Variants in ZBTB49 observed in about 807,000 individuals in gnomAD.
ZBTB49 encodes the protein zinc finger and BTB domain-containing protein 49.
In ZBTB49, 43 loss-of-function variants were observed where a neutral mutation model predicts 57.5. The observed-to-expected ratio is 0.75, with a 90% CI of 0.59 to 0.97. The LOEUF (loss-of-function observed/expected upper bound fraction) is 0.97. Among genes scored for constraint, ZBTB49 ranks in the 50% least tolerant of loss-of-function variants. The pLI, the probability that ZBTB49 is intolerant of heterozygous loss-of-function variation, is 0.00. For missense variants in ZBTB49, 938 were observed against 947.7 expected, an observed-to-expected ratio of 0.99 and a Z score of 0.13; for synonymous variants, 369 against 362.1, an observed-to-expected ratio of 1.02 and a Z score of -0.22.
chr4:4,293,360 G>C (rs1430884407), intron 1 of ZBTB49, among the ~76,000 whole-genome samples: 2 of 152,216 alleles, frequency 1.3e-5, no homozygotes, highest in African/African-American at 2.4e-5. Flanking sequence ...TGCAAAGCTT[G>C]TCTGTGGGAT....
intron 3 of ZBTB49, among the ~76,000 whole-genome samples, chr4:4,303,784 C>CTATATATA (rs35257963): frequency 6.9e-6 from 1 of 145,804 alleles, no homozygotes; most frequent in Non-Finnish European, 1.5e-5. Context: ...CTCTCTCTCT[C>CTATATATA]TATATATATA....
intron 1 of ZBTB49, among the ~76,000 whole-genome samples, chr4:4,295,719 A>G (rs1720165984): frequency 6.6e-6 from 1 of 152,134 alleles, no homozygotes; most frequent in East Asian, 1.9e-4. Flanking sequence ...TCTTTGTCCC[A>G]GTTTTCTCTG....
At chr4:4,312,088 G>A (rs552463842) in intron 4 of ZBTB49, among the ~76,000 whole-genome samples, 27 of 152,120 alleles carry the variant, frequency 1.8e-4, no homozygotes, top group Admixed American at 1.6e-3. Context: ...ATTCATTCTC[G>A]TTTTTCACTT....
At position 4,321,107 on chromosome 4, in the gene ZBTB49, A is replaced by G. The variant is rs765943903; in HGVS notation, c.2089A>G (p.Thr697Ala). The G allele has an allele frequency of 1.0e-4, 163 of 1,611,876 alleles. No homozygotes were observed. The highest frequency in any genetic ancestry group is 1.3e-4 in the Non-Finnish European group (149 of 1,179,446). ...GGCCTATGCTTACTCGGATGTGGACACCCCAGCCGGTGGCGAACCACTGCA... is the reference window on the plus strand; with the variant it reads ...GGCCTATGCTTACTCGGATGTGGACGCCCCAGCCGGTGGCGAACCACTGCA... Reference protein sequence around the residue: ...PQAYAYSDVDTPAGGEPLQAD... With the variant: ...PQAYAYSDVDAPAGGEPLQAD... The change falls in exon 8 of 8, where the codon ACC becomes GCC. Residue 697 changes from threonine (T) to alanine (A), a missense_variant. Physicochemically the swap from Thr to Ala is moderately conservative, Grantham distance 58. Coordinates refer to ENST00000337872, the MANE Select transcript of ZBTB49 (RefSeq NM_145291.4).
intron 4 of ZBTB49, 141 bp downstream of exon 4, chr4:4,306,325 T>A: frequency 2.8e-6 from 2 of 715,998 alleles, no homozygotes; most frequent in Admixed American, 6.0e-5. Flanking sequence ...TAAATTAGGA[T>A]AAATCGTTTT....
chr4:4,318,186 C>G (rs1403748451), intron 7 of ZBTB49, among the ~76,000 whole-genome samples: 4 of 152,184 alleles, frequency 2.6e-5, no homozygotes, highest in African/African-American at 9.7e-5. Flanking sequence ...AGGACAGGCA[C>G]CCATATTCCT....
rs1178453644 is a variant in ZBTB49, at chr4:4,302,899, G to A, written c.1063G>A (p.Glu355Lys). The change falls in exon 3 of 8, where the codon GAA becomes AAA. Residue 355 changes from glutamate to lysine, a missense_variant. Coordinates refer to ENST00000337872, the MANE Select transcript of ZBTB49 (RefSeq NM_145291.4). ...LEKASSQSAE[E>K]KESEEVVSCE... is the part of the protein sequence containing the mutation. Reference sequence around the variant, plus strand: ...GAAAGCTAGCAGCCAAAGTGCTGAAGAAAAAGAAAGTGAAGAAGTCGTCAG... The same window carrying A: ...GAAAGCTAGCAGCCAAAGTGCTGAAAAAAAAGAAAGTGAAGAAGTCGTCAG... The A allele has an allele frequency of 6.2e-7, 1 of 1,614,038 alleles. No individual in the cohort carries two copies. The highest frequency in any genetic ancestry group is 1.3e-5 in the African/African-American group (1 of 74,910).
At chr4:4,316,078 C>T (rs1721185011) in intron 7 of ZBTB49, 108 bp downstream of exon 7, 11 of 1,428,692 alleles carry the variant, frequency 7.7e-6, no homozygotes, top group Non-Finnish European at 1.0e-5. Context: ...TTTGTTTCCT[C>T]CTGTTTTTTT....
At position 4,315,716 on chromosome 4, in the gene ZBTB49, G is replaced by A. The variant is rs754459835; in HGVS notation, c.1457G>A (p.Arg486Gln). The stretch of plus-strand genomic sequence containing the variant: ...CCACACTTGTGTGACATCTGTGGTC[G>A]AGGTACAGCTGAGTGTTTTCCTATT... ...EKPHLCDICG[R>Q]GFSNFSNLKE... is the part of the protein sequence containing the mutation. The change falls in exon 6 of 8, where the codon CGA becomes CAA. Residue 486 changes from arginine to glutamine, a missense_variant and splice_region_variant. Coordinates refer to ENST00000337872, the MANE Select transcript of ZBTB49 (RefSeq NM_145291.4). 16 of 1,613,772 alleles carry A rather than the reference G, an allele frequency of 9.9e-6. No homozygotes were observed. The highest frequency in any genetic ancestry group is 1.3e-5 in the African/African-American group (1 of 74,766).
Position 4,299,799 on chromosome 4 carries a change from G to T in ZBTB49, c.-19-128G>T, listed in dbSNP as rs1577233106. The T allele has an allele frequency of 1.7e-5, 12 of 726,312 alleles. No individual in the cohort carries two copies. The East Asian group carries it at 2.5e-4, about 15-fold the overall frequency. 45.0% of individuals were successfully genotyped at this position (726,312 alleles called of 1,614,324 possible). A position where few individuals can be genotyped will look rare whatever the true frequency, so the allele number is the denominator to read the frequency against. ...GAGGTGTGTGTGTGTGTGTGTGTGT[G>T]TGTGTGTGTGTGAGAGAGAAACTGT... On this transcript the variant is annotated intron_variant, in intron 1 of 7. Transcript: ENST00000337872.
At chr4:4,318,741 T>G (rs6839561) in intron 7 of ZBTB49, among the ~76,000 whole-genome samples, 36,699 of 152,136 alleles carry the variant, frequency 0.24, 4,923 homozygotes, top group Admixed American at 0.32. Flanking sequence ...GTGTGTGTTA[T>G]AAGGACAACA....
chr4:4,310,658 C>T (rs34305609), intron 4 of ZBTB49, among the ~76,000 whole-genome samples: 59,504 of 150,028 alleles, frequency 0.4, 13,769 homozygotes, highest in Middle Eastern at 0.54. Context: ...TACAGGCGCC[C>T]GCCACCATGC....
At position 4,303,023 on chromosome 4, in the gene ZBTB49, C is replaced by T. The variant is rs751541083; in HGVS notation, c.1187C>T (p.Ala396Val). ...ACACTTCAGTCCCAGAGACAATACG[C>T]GTGTGAATTATGCGGGAAACCTTTT... Reference protein sequence around the residue: ...SQTLQSQRQYACELCGKPFKH... With the variant: ...SQTLQSQRQYVCELCGKPFKH... The change falls in exon 3 of 8, where the codon GCG becomes GTG. Residue 396 changes from alanine to valine, a missense_variant. Physicochemically the swap from Ala to Val is moderately conservative, Grantham distance 64. This residue lies in a region of ZBTB49 where 835 missense variants were observed against 819.1 expected (regional missense o/e 1.02). Transcript: ENST00000337872. 2.4e-5 allele frequency: 39 copies of T among 1,613,874 alleles called. No homozygotes were observed. The highest frequency in any genetic ancestry group is 1.2e-4 in the African/African-American group (9 of 74,922).
chr4:4,296,959 C>G (rs1196963991), intron 1 of ZBTB49, among the ~76,000 whole-genome samples: 1 of 152,138 alleles, frequency 6.6e-6, no homozygotes, highest in Non-Finnish European at 1.5e-5. Context: ...TGTTTCATCC[C>G]ATGAAGCCTA....
chr4:4,300,065 G>A lies in ZBTB49; in HGVS notation c.120G>A (p.Lys40=), dbSNP rs777644308. 15 of 1,614,062 alleles carry A rather than the reference G, an allele frequency of 9.3e-6. No homozygotes were observed. The highest frequency in any genetic ancestry group is 1.3e-5 in the African/African-American group (1 of 74,910). ...VVKGVCFKAH[K]NVLAAFSQYF... is the part of the protein sequence containing the mutation. ...AAGGAGTCTGCTTTAAAGCGCATAA[G>A]AATGTCCTGGCAGCATTCAGCCAGT... The change falls in exon 2 of 8, where the codon AAG becomes AAA. Residue 40 remains lysine (K), a synonymous_variant. Transcript: ENST00000337872.
chr4:4,296,812 A>G (rs926557982), intron 1 of ZBTB49, among the ~76,000 whole-genome samples: 4 of 152,152 alleles, frequency 2.6e-5, no homozygotes, highest in African/African-American at 9.7e-5. Flanking sequence ...AACATGGGGC[A>G]ATGTCAGTGT....
At chr4:4,320,120 G>T (rs1721345837) in intron 7 of ZBTB49, among the ~76,000 whole-genome samples, 1 of 152,060 alleles carries the variant, frequency 6.6e-6, no homozygotes, top group African/African-American at 2.4e-5. Flanking sequence ...TTATAGATTG[G>T]CTGTGTTAGA....
At chr4:4,291,683 T>A (rs1029048446) in intron 1 of ZBTB49, among the ~76,000 whole-genome samples, 1 of 152,222 alleles carries the variant, frequency 6.6e-6, no homozygotes, top group South Asian at 2.1e-4. Flanking sequence ...GTTGTTGTTG[T>A]TTGTTTGTTT....
chr4:4,294,872 C>CGTGTATGTGTGTGTGTGTGTGT lies in ZBTB49; in HGVS notation c.-20+4524_-20+4525insATGTGTGTGTGTGTGTGTGTGT, dbSNP rs1553803052. Among the ~76,000 whole-genome samples, 15 of 138,126 alleles carry CGTGTATGTGTGTGTGTGTGTGT rather than the reference C, an allele frequency of 1.1e-4. No homozygotes were observed. In the East Asian group the frequency reaches 2.2e-3, roughly 20 times the overall value. 90.6% of individuals were successfully genotyped at this position (138,126 alleles called of 152,430 possible). A position where few individuals can be genotyped will look rare whatever the true frequency, so the allele number is the denominator to read the frequency against. On this transcript the variant is annotated intron_variant, in intron 1 of 7. Transcript: ENST00000337872. The stretch of plus-strand genomic sequence containing the variant: ...TTAACAGGTCTGTGGAGGAGGGTTT[C>CGTGTATGTGTGTGTGTGTGTGT]GTGTGTGTGTGTGTGTGTGTGTGTG...
Sources: gnomAD v4.1 joint callset for allele counts (sites outside exome capture counted in the v4.1 genomes callset) on GRCh38, gnomAD v4.1.1 for gene constraint, gnomAD v4.1.1 regional missense constraint, MANE v1.5 for transcripts, NCBI Gene and HGNC (gene_info 2026-07-23, HGNC 2026-07-21) for gene names.